The following CREB3L2 variants were observed in gnomAD, a reference collection of about 807,000 sequenced individuals.
CREB3L2 encodes the protein cyclic AMP-responsive element-binding protein 3-like protein 2.
In CREB3L2, 23 loss-of-function variants were observed where a neutral mutation model predicts 57.2. The ratio of observed to expected loss-of-function variants is 0.40; its 90% CI spans 0.29 to 0.57. The LOEUF is 0.57. Ranked by LOEUF, CREB3L2 falls within the 20% of genes least tolerant of loss-of-function variation. The pLI is 0.42. For missense variants in CREB3L2, 628 were observed against 634.7 expected (o/e 0.99, Z 0.11); for synonymous variants, 268 against 265.1 (o/e 1.01, Z -0.11).
At chr7:137,897,436 C>T (rs989765780) in intron 8 of CREB3L2, among the ~76,000 whole-genome samples, 7 of 152,300 alleles carry the variant, frequency 4.6e-5, no homozygotes, top group Non-Finnish European at 8.8e-5. Flanking sequence ...ATGGCACAAT[C>T]TCGGCTCACT....
Position 137,922,406 on chromosome 7 carries a change from A to G in CREB3L2, c.319+5744T>C, listed in dbSNP as rs1323483956. 1.0e-2 allele frequency among the ~76,000 whole-genome samples: 261 copies of G among 26,206 alleles called. 12 individuals are homozygous for G. Among genetic ancestry groups the G allele is most frequent in the African/African-American group, 0.041 (245 of 6,048 alleles). 17.2% of individuals were successfully genotyped at this position (26,206 alleles called of 152,430 possible). On this transcript the variant is annotated intron_variant, in intron 2 of 11. Transcript: ENST00000330387. ...TATGTATATATATATATATATATAT[A>G]TATATATATGTATATATATATATAT...
At chr7:137,883,415 G>C (rs554567593) in intron 10 of CREB3L2, among the ~76,000 whole-genome samples, 13 of 152,258 alleles carry the variant, frequency 8.5e-5, no homozygotes, top group Middle Eastern at 6.8e-3. Flanking sequence ...GGCTGAAACC[G>C]AAGATAGAAC....
At chr7:137,985,476 C>T (rs991431291) in intron 1 of CREB3L2, among the ~76,000 whole-genome samples, 5 of 152,170 alleles carry the variant, frequency 3.3e-5, no homozygotes, top group Non-Finnish European at 7.4e-5. Context: ...TCAGCTTGTC[C>T]CTGACACTGC....
chr7:137,894,356 T>C (rs1276427703), intron 8 of CREB3L2, among the ~76,000 whole-genome samples: 1 of 152,186 alleles, frequency 6.6e-6, no homozygotes, highest in Non-Finnish European at 1.5e-5. Context: ...TACTGAGCAA[T>C]AGAATCCTTT....
In CREB3L2 at chr7:137,903,877, C is replaced by T; in HGVS notation, c.974+82G>A. On this transcript the variant is annotated intron_variant, in intron 7 of 11. Coordinates refer to ENST00000330387, the MANE Select transcript of CREB3L2 (RefSeq NM_194071.4). The stretch of plus-strand genomic sequence containing the variant: ...AAGGTGGCCAGAAAGAGGAATTGAA[C>T]TGCTTCTCCCCGATTCTCCGCACAC... The T allele has an allele frequency of 2.5e-6, 3 of 1,219,476 alleles. No homozygotes were observed. The South Asian group carries it at 3.7e-5, about 15-fold the overall frequency. 75.5% of individuals were successfully genotyped at this position (1,219,476 alleles called of 1,614,324 possible).
intron 8 of CREB3L2, among the ~76,000 whole-genome samples, chr7:137,892,347 T>TAAA (rs779212071): frequency 1.6e-4 from 22 of 133,464 alleles, no homozygotes; most frequent in African/African-American, 4.5e-4. Context: ...TGCACACAAT[T>TAAA]AAAAAAAAAA....
chr7:137,877,520 T>TGG lies in CREB3L2; in HGVS notation c.*2954_*2955dup, dbSNP rs1404620262. On this transcript the variant is annotated 3_prime_UTR_variant, in exon 12 of 12. Coordinates refer to ENST00000330387, the MANE Select transcript of CREB3L2 (RefSeq NM_194071.4). ...TCGAGGGCTGTGAAAAGAACCACGG[T>TGG]GGGGGGTCTGGGTTACTCAGGTCTT... The TGG allele has an allele frequency of 4.4e-6, 1 of 225,942 alleles. No individual in the cohort carries two copies. Among genetic ancestry groups the TGG allele is most frequent in the Non-Finnish European group, 8.8e-6 (1 of 113,656 alleles). 14.0% of individuals were successfully genotyped at this position (225,942 alleles called of 1,614,324 possible). A position where few individuals can be genotyped will look rare whatever the true frequency, so the allele number is the denominator to read the frequency against.
chr7:137,961,117 T>C (rs1468686267), intron 1 of CREB3L2, among the ~76,000 whole-genome samples: 1 of 149,336 alleles, frequency 6.7e-6, no homozygotes, highest in Non-Finnish European at 1.5e-5. Flanking sequence ...AACCAATCTA[T>C]TATTTTAGGA....
chr7:137,925,906 T>C (rs940948534), intron 2 of CREB3L2, among the ~76,000 whole-genome samples: 1 of 152,216 alleles, frequency 6.6e-6, no homozygotes, highest in African/African-American at 2.4e-5. Context: ...TTGTAAAATA[T>C]ATCTGACCCA....
At chr7:137,928,563 T>C (rs761738609) in intron 1 of CREB3L2, among the ~76,000 whole-genome samples, 197 bp from the exon 2 acceptor site, 1 of 152,230 alleles carries the variant, frequency 6.6e-6, no homozygotes, top group East Asian at 1.9e-4. Flanking sequence ...AATATATTAC[T>C]TCTCCCTCCT....
chr7:137,997,427 A>G (rs1022279778), intron 1 of CREB3L2, among the ~76,000 whole-genome samples: 14 of 152,188 alleles, frequency 9.2e-5, no homozygotes, highest in Non-Finnish European at 2.1e-4. Flanking sequence ...TGCTCTTTAA[A>G]TTGCAAAAGG....
At chr7:137,907,319 T>A (rs1424275598) in intron 5 of CREB3L2, among the ~76,000 whole-genome samples, 1 of 152,170 alleles carries the variant, frequency 6.6e-6, no homozygotes, top group Admixed American at 6.5e-5. Context: ...AGTTCCTCCA[T>A]AAACATGTAG....
rs1801700603 is a variant in CREB3L2, at chr7:137,980,884, C to T, written c.102+20720G>A. Among the ~76,000 whole-genome samples the T allele has an allele frequency of 6.6e-6, 1 of 152,176 alleles. No individual in the cohort carries two copies. On this transcript the variant is annotated intron_variant, in intron 1 of 11. Transcript: ENST00000330387. The surrounding 1 kb of genome is among the most constrained non-coding windows in gnomAD (Gnocchi z 4.3). ...CCCTGTTCCTCCACAATGTGACCCC[C>T]CTTTGTCGCCAGCTACTCCATACAT...
chr7:137,994,807 T>G (rs566720633), intron 1 of CREB3L2, among the ~76,000 whole-genome samples: 4 of 152,306 alleles, frequency 2.6e-5, no homozygotes, highest in African/African-American at 9.6e-5. Context: ...AAAAGAACTC[T>G]GCGAGTGGCA....
In CREB3L2 at chr7:137,879,180, A is replaced by T. The variant is rs1002764536; in HGVS notation, c.*1296T>A. 6 of 496,712 alleles carry T rather than the reference A, an allele frequency of 1.2e-5. No homozygotes were observed. The highest frequency in any genetic ancestry group is 2.8e-5 in the African/African-American group (1 of 35,142). The allele number at this position is 496,712 out of a possible 1,614,324, so 30.8% of individuals were successfully genotyped here. ...TTACTTTTAACCATAAAAAAAAAAC[A>T]AAAAAACTAAAAGTAGGTTGGGGAT... On this transcript the variant is annotated 3_prime_UTR_variant, in exon 12 of 12. Transcript: ENST00000330387.
intron 2 of CREB3L2, among the ~76,000 whole-genome samples, chr7:137,926,509 C>T (rs1363996446): frequency 6.6e-6 from 1 of 152,070 alleles, no homozygotes; most frequent in Non-Finnish European, 1.5e-5. Flanking sequence ...GTTCTCACTC[C>T]TAAGTGGGAG....
chr7:137,964,243 G>A (rs1184568816), intron 1 of CREB3L2, among the ~76,000 whole-genome samples: 1 of 152,190 alleles, frequency 6.6e-6, no homozygotes, highest in Non-Finnish European at 1.5e-5. Flanking sequence ...TTGAACCCAG[G>A]AGATGGAGGT....
chr7:137,918,233 C>T (rs1295094484), intron 2 of CREB3L2, among the ~76,000 whole-genome samples: 2 of 152,126 alleles, frequency 1.3e-5, no homozygotes, highest in African/African-American at 4.8e-5. Context: ...CTCTGTCACC[C>T]AGGCTGGAGT....
intron 1 of CREB3L2, among the ~76,000 whole-genome samples, chr7:137,991,139 G>A (rs372054652): frequency 6.8e-4 from 103 of 152,022 alleles, no homozygotes; most frequent in Non-Finnish European, 1.2e-3. Flanking sequence ...TGCTGTCGTC[G>A]TGGCTGTCAT....
Sources: gnomAD v4.1 joint callset for allele counts (sites outside exome capture counted in the v4.1 genomes callset) on GRCh38, gnomAD v4.1.1 for gene constraint, Gnocchi (gnomAD v3.1) non-coding constraint, MANE v1.5 for transcripts, NCBI Gene and HGNC (gene_info 2026-07-23, HGNC 2026-07-21) for gene names.